PLEKHA5: variants seen among roughly 807,000 people sequenced by gnomAD.
PLEKHA5 encodes the protein pleckstrin homology domain-containing family A member 5.
Under a neutral mutation model 181.9 loss-of-function variants are expected in PLEKHA5, and 55 were observed. That is an observed-to-expected ratio of 0.30 (90% CI 0.24 to 0.38). The LOEUF is 0.38. Among genes scored for constraint, PLEKHA5 ranks in the 10% least tolerant of loss-of-function variants. PLEKHA5 has a pLI of 1.00. For missense variants in PLEKHA5, 1,432 were observed against 1,549.5 expected (o/e 0.92, Z 1.27); for synonymous variants, 535 against 529.4 (o/e 1.01, Z -0.15).
chr12:19,320,226 C>A, intron 17 of PLEKHA5, among the ~76,000 whole-genome samples, 170 bp downstream of exon 17: 1 of 151,954 alleles, frequency 6.6e-6, no homozygotes, highest in East Asian at 1.9e-4. Flanking sequence ...GACACAGTTG[C>A]TACGATTGTA....
At chr12:19,304,391 T>A (rs1336770087) in intron 15 of PLEKHA5, among the ~76,000 whole-genome samples, 4 of 152,198 alleles carry the variant, frequency 2.6e-5, no homozygotes, top group African/African-American at 4.8e-5. Flanking sequence ...TAAAAGGCAG[T>A]TAAAATCTCT....
At chr12:19,259,063 G>A (rs2067642712) in intron 6 of PLEKHA5, among the ~76,000 whole-genome samples, 1 of 151,244 alleles carries the variant, frequency 6.6e-6, no homozygotes. Context: ...TCTCTAACAA[G>A]TGTTTATTTT....
intron 20 of PLEKHA5, among the ~76,000 whole-genome samples, chr12:19,332,074 C>T (rs948341754): frequency 6.6e-6 from 1 of 152,014 alleles, no homozygotes; most frequent in African/African-American, 2.4e-5. Context: ...TGCTTGAGCC[C>T]AGGAGTTCAA....
chr12:19,323,939 T>C (rs540837316), intron 20 of PLEKHA5, among the ~76,000 whole-genome samples: 44 of 152,298 alleles, frequency 2.9e-4, no homozygotes, highest in African/African-American at 9.4e-4. Context: ...GCTTATAAAC[T>C]GTTTTATGAG....
In PLEKHA5 at chr12:19,255,121, G is replaced by A. The variant is rs774727859; in HGVS notation, c.388G>A (p.Val130Met). Residue 130 changes from valine (V) to methionine (M), a missense_variant, in exon 5 of 32, where the codon GTG (valine) becomes ATG (methionine). Coordinates refer to ENST00000429027, the MANE Select transcript of PLEKHA5 (RefSeq NM_001256470.2). ...GATAAATGAAGCTTCTAACTATAAC[G>A]TGACTTCAGATTATGCAGTGCATCC... Reference protein sequence around the residue: ...SMINEASNYNVTSDYAVHPMS... With the variant: ...SMINEASNYNMTSDYAVHPMS... The A allele has an allele frequency of 1.3e-5, 21 of 1,609,060 alleles. No individual in the cohort carries two copies. The highest frequency in any genetic ancestry group is 2.2e-5 in the East Asian group (1 of 44,814).
chr12:19,157,146 C>T (rs563261926), intron 3 of PLEKHA5, among the ~76,000 whole-genome samples: 168 of 149,706 alleles, frequency 1.1e-3, no homozygotes, highest in African/African-American at 3.9e-3. Flanking sequence ...ATATGTTATA[C>T]AGCTTACCCT....
At chr12:19,152,980 TA>T (rs1169469067) in intron 3 of PLEKHA5, 1 of 145,768 alleles carries the variant, frequency 6.9e-6, no homozygotes, top group Non-Finnish European at 1.5e-5. Flanking sequence ...CAGTCTTCTG[TA>T]AATTAACACA....
chr12:19,298,032 C>T (rs941632410), intron 15 of PLEKHA5, among the ~76,000 whole-genome samples: 2 of 151,938 alleles, frequency 1.3e-5, no homozygotes, highest in Non-Finnish European at 2.9e-5. Flanking sequence ...TGGTGAACCC[C>T]ATCTCTACTA....
chr12:19,252,165 A>G (rs999689039), intron 3 of PLEKHA5, among the ~76,000 whole-genome samples: 6 of 152,210 alleles, frequency 3.9e-5, no homozygotes, highest in African/African-American at 1.4e-4. Flanking sequence ...TTTAATGGAT[A>G]AAGCTTCAGA....
intron 8 of PLEKHA5, among the ~76,000 whole-genome samples, chr12:19,268,848 T>G (rs1018348726): frequency 2.0e-5 from 3 of 152,110 alleles, no homozygotes; most frequent in African/African-American, 7.2e-5. Context: ...TTTAATTATC[T>G]TAACATAGAA....
intron 3 of PLEKHA5, among the ~76,000 whole-genome samples, chr12:19,171,226 CAATT>C (rs1173022107): frequency 6.6e-6 from 1 of 152,054 alleles, no homozygotes; most frequent in East Asian, 1.9e-4. Context: ...AAGAAGAAAT[CAATT>C]GAGAGAGGGA....
chr12:19,181,807 T>C (rs911822236), intron 3 of PLEKHA5, among the ~76,000 whole-genome samples: 1 of 152,042 alleles, frequency 6.6e-6, no homozygotes, highest in Non-Finnish European at 1.5e-5. Context: ...GAACAAATTA[T>C]TAATCTAAGA....
chr12:19,247,486 A>G (rs1048037431), intron 3 of PLEKHA5, among the ~76,000 whole-genome samples: 1 of 152,200 alleles, frequency 6.6e-6, no homozygotes, highest in Admixed American at 6.5e-5. Context: ...TATCTCCAGT[A>G]GACATGTCAT....
At chr12:19,173,342 A>T (rs145395491) in intron 3 of PLEKHA5, among the ~76,000 whole-genome samples, 1 of 151,960 alleles carries the variant, frequency 6.6e-6, no homozygotes, top group African/African-American at 2.4e-5. Flanking sequence ...CCTTTCTTGT[A>T]TGCATACACC....
chr12:19,336,518 T>C lies in PLEKHA5; in HGVS notation c.2452T>C (p.Leu818=). ...CRELSRATAE[L]ERAWREYDKL... is the part of the protein sequence containing the mutation. ...AATTAACACTTTTTGGTTTTAGGAA[T>C]TGGAACGAGCATGGAGAGAATATGA... is the stretch of plus-strand genomic sequence containing the variant. The change falls in exon 21 of 32, where the codon TTG becomes CTG. Residue 818 remains leucine (L), a synonymous_variant. Coordinates refer to ENST00000429027, the MANE Select transcript of PLEKHA5 (RefSeq NM_001256470.2). 6.3e-7 allele frequency: 1 copy of C among 1,580,628 alleles called. No homozygotes were observed. The highest frequency in any genetic ancestry group is 8.7e-7 in the Non-Finnish European group (1 of 1,154,322).
chr12:19,207,113 C>G (rs1028313967), intron 3 of PLEKHA5, among the ~76,000 whole-genome samples: 2 of 152,048 alleles, frequency 1.3e-5, no homozygotes, highest in African/African-American at 4.8e-5. Context: ...TGAAACTAAT[C>G]TCAGAAATAC....
chr12:19,164,549 A>G (rs930872989), intron 3 of PLEKHA5, among the ~76,000 whole-genome samples: 2 of 152,126 alleles, frequency 1.3e-5, no homozygotes, highest in Non-Finnish European at 2.9e-5. Flanking sequence ...GAATGTGGCT[A>G]TGATGTTAAT....
rs2058460591 is a variant in PLEKHA5 at position 19,218,902 on chromosome 12, TATTA to T, written c.228-35037_228-35034del. Among the ~76,000 whole-genome samples, 3 of 58,652 alleles carry T rather than the reference TATTA, an allele frequency of 5.1e-5. No homozygotes were observed. In the Admixed American group the frequency reaches 6.5e-4, roughly 13 times the overall value. 38.5% of individuals were successfully genotyped at this position (58,652 alleles called of 152,430 possible). A position where few individuals can be genotyped will look rare whatever the true frequency, so the allele number is the denominator to read the frequency against. On this transcript the variant is annotated intron_variant, in intron 3 of 31. Coordinates refer to ENST00000429027, the MANE Select transcript of PLEKHA5 (RefSeq NM_001256470.2). ...AAAAAAGGCCACAAATAATTATTAT[TATTA>T]TTTTTTTTTTTACTTTTTAATTTTC...
intron 3 of PLEKHA5, among the ~76,000 whole-genome samples, chr12:19,209,262 A>G (rs995137973): frequency 2.6e-5 from 4 of 152,298 alleles, no homozygotes; most frequent in Admixed American, 2.0e-4. Flanking sequence ...CAAAAAGTTT[A>G]TGGGGACAAC....
Sources: allele counts gnomAD v4.1 joint callset (sites outside exome capture counted in the v4.1 genomes callset), GRCh38; gene constraint gnomAD v4.1.1; transcripts MANE v1.5; gene names NCBI Gene and HGNC (gene_info 2026-07-23, HGNC 2026-07-21).